PHC2: variants seen among roughly 807,000 people sequenced by gnomAD.
The protein encoded by PHC2 is polyhomeotic homolog 2.
A neutral mutation model predicts 87.4 loss-of-function variants in PHC2; 29 were observed. The observed-to-expected ratio is 0.33, with a 90% confidence interval of 0.25 to 0.45. The LOEUF (loss-of-function observed/expected upper bound fraction) is 0.45, where lower values mean the gene tolerates loss of function less well. Among genes scored for constraint, PHC2 ranks in the 20% least tolerant of loss-of-function variants. The pLI is 1.00. For missense variants in PHC2, 857 were observed against 1,136.7 expected (o/e 0.75, Z 3.54); for synonymous variants, 438 against 461.7 (o/e 0.95, Z 0.66).
At position 33,382,358 on chromosome 1, in the gene PHC2, T is replaced by C. The variant is rs1187076922; in HGVS notation, c.-54-6765A>G. The stretch of plus-strand genomic sequence containing the variant: ...GGTGACCCACATTAGAAAATCTGAA[T>C]CCTTAAACTTTCACAGTATCTAGGC... On this transcript the variant is annotated intron_variant, in intron 1 of 14. Coordinates refer to ENST00000683057, the MANE Select transcript of PHC2 (RefSeq NM_001385109.1). This position sits in a 1 kb window ranked among gnomAD's most constrained non-coding sequence, Gnocchi z 4.3. 6.6e-6 allele frequency among the ~76,000 whole-genome samples: 1 copy of C among 152,094 alleles called. No individual in the cohort carries two copies. Among genetic ancestry groups the C allele is most frequent in the African/African-American group, 2.4e-5 (1 of 41,396 alleles).
In PHC2 at chr1:33,403,910, A is replaced by G. The variant is rs186605457; in HGVS notation, c.-55+27066T>C. On this transcript the variant is annotated intron_variant, in intron 1 of 14. Coordinates refer to ENST00000683057, the MANE Select transcript of PHC2 (RefSeq NM_001385109.1). ...CTCCTTCAAAGGCTTGTCTCGTACC[A>G]CCTAACCATTGAATATTGGAGCTCC... is the stretch of plus-strand genomic sequence containing the variant. 2.6e-4 allele frequency among the ~76,000 whole-genome samples: 39 copies of G among 152,234 alleles called. No homozygotes were observed. In the Middle Eastern group the frequency reaches 0.031, roughly 120 times the overall value.
intron 1 of PHC2, among the ~76,000 whole-genome samples, chr1:33,375,839 T>C (rs901525246): frequency 8.5e-5 from 13 of 152,208 alleles, no homozygotes; most frequent in Admixed American, 1.3e-4. Flanking sequence ...ATAAGTAATC[T>C]AGAGATGGTT....
chr1:33,373,100 C>T (rs1329553831), intron 2 of PHC2, among the ~76,000 whole-genome samples: 1 of 147,096 alleles, frequency 6.8e-6, no homozygotes, highest in Non-Finnish European at 1.5e-5. Flanking sequence ...GCCACAGGGA[C>T]AGCACACTCC....
At chr1:33,412,828 T>C (rs548127259) in intron 1 of PHC2, among the ~76,000 whole-genome samples, 113 of 152,298 alleles carry the variant, frequency 7.4e-4, no homozygotes, top group Non-Finnish European at 1.4e-3. Context: ...AAGCTTGACA[T>C]AGATTTCAAA....
intron 1 of PHC2, among the ~76,000 whole-genome samples, chr1:33,411,405 G>C (rs931115861): frequency 1.3e-5 from 2 of 150,486 alleles, no homozygotes; most frequent in Non-Finnish European, 2.9e-5. Context: ...GATACTGCTA[G>C]TTCCCCAAAA....
chr1:33,408,258 T>C (rs1483056810), intron 1 of PHC2, among the ~76,000 whole-genome samples: 1 of 152,174 alleles, frequency 6.6e-6, no homozygotes, highest in Non-Finnish European at 1.5e-5. Context: ...TCAGAATCTG[T>C]TCACAAGCAA....
intron 1 of PHC2, among the ~76,000 whole-genome samples, chr1:33,419,389 C>T (rs1323469529): frequency 6.6e-6 from 1 of 152,172 alleles, no homozygotes; most frequent in East Asian, 1.9e-4. Context: ...TCAATATTAG[C>T]TTCACTGGGT....
Position 33,349,109 on chromosome 1 carries a change from C to T in PHC2, c.1558+5292G>A. ...TCTTCTAAAAATGGAAGAAAAGACA[C>T]AGAACAGCTTGTCCCTTTCCATCCA... is the stretch of plus-strand genomic sequence containing the variant. On this transcript the variant is annotated intron_variant, in intron 9 of 14. Coordinates refer to ENST00000683057, the MANE Select transcript of PHC2 (RefSeq NM_001385109.1). This position sits in a 1 kb window ranked among gnomAD's most constrained non-coding sequence, Gnocchi z 4.2. 1 of 985,402 alleles carries T rather than the reference C, an allele frequency of 1.0e-6. No homozygotes were observed. Among genetic ancestry groups the T allele is most frequent in the Non-Finnish European group, 1.2e-6 (1 of 829,878 alleles). 61.0% of individuals were successfully genotyped at this position (985,402 alleles called of 1,614,324 possible). A position where few individuals can be genotyped will look rare whatever the true frequency, so the allele number is the denominator to read the frequency against.
At chr1:33,423,902 C>T (rs1464344287) in intron 1 of PHC2, among the ~76,000 whole-genome samples, 1 of 151,956 alleles carries the variant, frequency 6.6e-6, no homozygotes, top group Admixed American at 6.6e-5. Context: ...TTCAACACCA[C>T]CCTGGACAAC....
chr1:33,325,740 G>C (rs1309601717), intron 14 of PHC2: 1 of 375,518 alleles, frequency 2.7e-6, no homozygotes, highest in Non-Finnish European at 5.4e-6. Flanking sequence ...TAAAGTCACT[G>C]AGTTCTGGAA....
intron 9 of PHC2, among the ~76,000 whole-genome samples, chr1:33,352,994 C>T (rs960976089): frequency 1.3e-5 from 2 of 152,182 alleles, no homozygotes; most frequent in South Asian, 2.1e-4. Context: ...TTGGTTCCTC[C>T]CTACCGTAAA....
intron 1 of PHC2, among the ~76,000 whole-genome samples, chr1:33,390,992 C>G (rs1413601779): frequency 1.3e-5 from 2 of 152,118 alleles, no homozygotes; most frequent in South Asian, 4.1e-4. Context: ...GGGGAGGGGG[C>G]TTTCTAGGTG....
chr1:33,344,265 T>C (rs1646803744), intron 9 of PHC2, among the ~76,000 whole-genome samples: 1 of 152,204 alleles, frequency 6.6e-6, no homozygotes, highest in South Asian at 2.1e-4. Flanking sequence ...TCTCCAATTA[T>C]TTTCAGGTTG....
chr1:33,387,486 C>A (rs1570502998), intron 1 of PHC2, among the ~76,000 whole-genome samples: 1 of 152,172 alleles, frequency 6.6e-6, no homozygotes, highest in Non-Finnish European at 1.5e-5. Context: ...TGTAGATGGT[C>A]TTTTATCCAT....
rs567891007 is a variant in PHC2, at chr1:33,331,230, G to A, written c.2006+118C>T. ...ATGCCATCCTGCTTCCAGGTGGGTCGAGGAACTAGGAAACTGGAGAAGCCA... is the reference window on the plus strand; with the variant it reads ...ATGCCATCCTGCTTCCAGGTGGGTCAAGGAACTAGGAAACTGGAGAAGCCA... On this transcript the variant is annotated intron_variant, in intron 12 of 14. Coordinates refer to ENST00000683057, the MANE Select transcript of PHC2 (RefSeq NM_001385109.1). The surrounding 1 kb of genome is among the most constrained non-coding windows in gnomAD (Gnocchi z 5.2). The A allele has an allele frequency of 1.7e-4, 88 of 532,006 alleles. No individual in the cohort carries two copies. Among genetic ancestry groups the A allele is most frequent in the African/African-American group, 1.3e-3 (65 of 51,710 alleles). 33.0% of individuals were successfully genotyped at this position (532,006 alleles called of 1,614,324 possible). A position where few individuals can be genotyped will look rare whatever the true frequency, so the allele number is the denominator to read the frequency against.
intron 7 of PHC2, among the ~76,000 whole-genome samples, chr1:33,359,247 C>A (rs1647150729): frequency 6.6e-6 from 1 of 152,150 alleles, no homozygotes; most frequent in Non-Finnish European, 1.5e-5. Context: ...ACTTGTTTAT[C>A]CTACAAGACT....
At chr1:33,410,649 C>T (rs1191721724) in intron 1 of PHC2, among the ~76,000 whole-genome samples, 1 of 152,080 alleles carries the variant, frequency 6.6e-6, no homozygotes, top group Non-Finnish European at 1.5e-5. Flanking sequence ...GCAGACTAAG[C>T]CTTTAGGGAT....
Position 33,334,144 on chromosome 1 carries a change from G to A in PHC2, c.1707C>T (p.Ile569=). The A allele has an allele frequency of 1.2e-6, 2 of 1,614,092 alleles. No homozygotes were observed. Among genetic ancestry groups the A allele is most frequent in the Non-Finnish European group, 1.7e-6 (2 of 1,180,004 alleles). ...KPPQAIVKPQ[I]LTHVIEGFVI... ...CAAACCCTTCGATAACATGCGTCAGGATTTGGGGTTTCACAATGGCCTGTG... is the reference window on the plus strand; with the variant it reads ...CAAACCCTTCGATAACATGCGTCAGAATTTGGGGTTTCACAATGGCCTGTG... The change falls in exon 10 of 15, where the codon ATC becomes ATT. Residue 569 remains isoleucine, a synonymous_variant. Transcript: ENST00000683057. This position sits in a 1 kb window ranked among gnomAD's most constrained non-coding sequence, Gnocchi z 5.5.
At chr1:33,352,448 AT>A (rs1646991260) in intron 9 of PHC2, among the ~76,000 whole-genome samples, 1 of 152,188 alleles carries the variant, frequency 6.6e-6, no homozygotes, top group African/African-American at 2.4e-5. Flanking sequence ...TCAGAGGGTT[AT>A]TGTCAGGATT....
Sources: gnomAD v4.1 joint callset for allele counts (sites outside exome capture counted in the v4.1 genomes callset) on GRCh38, gnomAD v4.1.1 for gene constraint, Gnocchi (gnomAD v3.1) non-coding constraint, MANE v1.5 for transcripts, NCBI Gene and HGNC (gene_info 2026-07-23, HGNC 2026-07-21) for gene names.